FAM178B: variants seen among roughly 807,000 people sequenced by gnomAD.
The protein encoded by FAM178B is protein FAM178B.
Under a neutral mutation model 91.7 loss-of-function variants are expected in FAM178B, and 82 were observed. The observed-to-expected ratio is 0.89, with a 90% CI of 0.75 to 1.07. The LOEUF is 1.07. FAM178B is among the 50% of genes least tolerant of loss of function. The pLI is 0.00. For synonymous variants in FAM178B, 368 were observed against 359.4 expected (o/e 1.02, Z -0.27); for missense variants, 769 against 846.7 (o/e 0.91, Z 1.14).
intron 1 of FAM178B, among the ~76,000 whole-genome samples, chr2:96,975,094 C>CA (rs34807786): frequency 0.72 from 40,739 of 56,296 alleles, 15,781 homozygotes; most frequent in Non-Finnish European, 0.84. Flanking sequence ...GACTCTGTCT[C>CA]AAAAAAAAAA....
intron 7 of FAM178B, chr2:96,950,003 C>A: frequency 1.0e-6 from 1 of 985,886 alleles, no homozygotes; most frequent in Non-Finnish European, 1.2e-6. Context: ...CTGGGTCCTG[C>A]ACTCCTCTCC....
rs1208753471 is a variant in FAM178B, at chr2:96,986,344, G to T, written c.-31C>A. 3.3e-6 allele frequency: 5 copies of T among 1,528,716 alleles called. No individual in the cohort carries two copies. Among genetic ancestry groups the T allele is most frequent in the Non-Finnish European group, 4.4e-6 (5 of 1,144,840 alleles). The allele number at this position is 1,528,716 out of a possible 1,614,324, so 94.7% of individuals were successfully genotyped here. On this transcript the variant is annotated 5_prime_UTR_variant, in exon 1 of 17. Coordinates refer to ENST00000490605, the MANE Select transcript of FAM178B (RefSeq NM_001122646.3). The stretch of plus-strand genomic sequence containing the variant: ...GGGAAGGGCAGGGCTCCGGGGTGAG[G>T]GAGGGTGGCGGGAATTCGCACGGCC...
At chr2:96,935,424 C>T (rs2081608516) in intron 8 of FAM178B, among the ~76,000 whole-genome samples, 1 of 152,070 alleles carries the variant, frequency 6.6e-6, no homozygotes, top group African/African-American at 2.4e-5. Flanking sequence ...CAGGCAATCG[C>T]CTTCTCACTT....
At chr2:96,876,837 C>T (rs1305264117) in intron 16 of FAM178B, among the ~76,000 whole-genome samples, 1 of 152,028 alleles carries the variant, frequency 6.6e-6, no homozygotes, top group Non-Finnish European at 1.5e-5. Flanking sequence ...AGGGAGGAGA[C>T]CCCGAGCCAG....
In FAM178B at chr2:96,876,210, C is replaced by T. The variant is rs954626774; in HGVS notation, c.*66G>A. 4 of 1,534,074 alleles carry T rather than the reference C, an allele frequency of 2.6e-6. No individual in the cohort carries two copies. The African/African-American group carries it at 5.4e-5, about 21-fold the overall frequency. On this transcript the variant is annotated 3_prime_UTR_variant, in exon 17 of 17. Transcript: ENST00000490605. Reference sequence around the variant, plus strand: ...TCTGGCCTTGATGCTTCGCTTCCTCCAGTTCCCTGAGCCTGTTCACTTCCT... The same window carrying T: ...TCTGGCCTTGATGCTTCGCTTCCTCTAGTTCCCTGAGCCTGTTCACTTCCT...
chr2:96,971,931 T>C lies in FAM178B; in HGVS notation c.534A>G (p.Ser178=), dbSNP rs1454409030. 24 of 1,529,516 alleles carry C rather than the reference T, an allele frequency of 1.6e-5. No individual in the cohort carries two copies. Among genetic ancestry groups the C allele is most frequent in the Non-Finnish European group, 2.1e-5 (24 of 1,137,132 alleles). The allele number at this position is 1,529,516 out of a possible 1,614,324, so 94.7% of individuals were successfully genotyped here. A position where few individuals can be genotyped will look rare whatever the true frequency, so the allele number is the denominator to read the frequency against. The change falls in exon 3 of 17, where the codon TCA becomes TCG. Residue 178 remains serine (S), a synonymous_variant. Coordinates refer to ENST00000490605, the MANE Select transcript of FAM178B (RefSeq NM_001122646.3). ...ALPEKLFWNT[S]GLSQQAAAPE... ...GGGCCGCAGCCTGCTGGCTCAGGCCTGACGTGTTCCAGAACAGCTTCTCTG... is the reference window on the plus strand; with the variant it reads ...GGGCCGCAGCCTGCTGGCTCAGGCCCGACGTGTTCCAGAACAGCTTCTCTG...
chr2:96,954,173 C>A (rs2081967163), intron 6 of FAM178B, among the ~76,000 whole-genome samples: 1 of 152,200 alleles, frequency 6.6e-6, no homozygotes, highest in African/African-American at 2.4e-5. Context: ...GCAGCAGATA[C>A]CATGCAGGCC....
chr2:96,980,544 A>G (rs78392121), intron 1 of FAM178B, among the ~76,000 whole-genome samples: 3,146 of 152,270 alleles, frequency 0.021, 98 homozygotes, highest in African/African-American at 0.066. Flanking sequence ...CTACAACTAC[A>G]GATTCATGCC....
At chr2:96,966,750 G>A (rs2082148802) in intron 5 of FAM178B, among the ~76,000 whole-genome samples, 3 of 152,226 alleles carry the variant, frequency 2.0e-5, no homozygotes, top group East Asian at 3.9e-4. Flanking sequence ...GCATGAGGGT[G>A]GAGCCTTCAT....
intron 5 of FAM178B, 67 bp from the exon 6 acceptor site, chr2:96,960,507 AG>A: frequency 1.4e-6 from 2 of 1,471,882 alleles, no homozygotes; most frequent in Non-Finnish European, 1.8e-6. Context: ...CATGGCCATT[AG>A]CCCAGGGAAG....
intron 8 of FAM178B, among the ~76,000 whole-genome samples, chr2:96,944,785 A>G (rs1422418286): frequency 6.6e-6 from 1 of 152,218 alleles, no homozygotes; most frequent in Non-Finnish European, 1.5e-5. Flanking sequence ...GTTTACCTGC[A>G]CCAAACCTGA....
chr2:96,901,350 T>C (rs1011273219), intron 13 of FAM178B, among the ~76,000 whole-genome samples: 1 of 151,594 alleles, frequency 6.6e-6, no homozygotes, highest in Non-Finnish European at 1.5e-5. Context: ...TTTTTTGTTT[T>C]TTTAGTAGAG....
chr2:96,951,604 C>T (rs973677175), intron 6 of FAM178B, 120 bp from the exon 7 acceptor site: 3 of 736,720 alleles, frequency 4.1e-6, no homozygotes, highest in African/African-American at 3.5e-5. Flanking sequence ...ATCTGTAACG[C>T]TAGAGACAAA....
Position 96,923,547 on chromosome 2 carries a change from C to T in FAM178B, c.1230G>A (p.Glu410=), listed in dbSNP as rs1326560122. The T allele has an allele frequency of 1.3e-6, 2 of 1,551,584 alleles. No homozygotes were observed. The highest frequency in any genetic ancestry group is 1.2e-5 in the South Asian group (1 of 84,064). Residue 410 remains glutamate, a synonymous_variant, in exon 10 of 17, where the codon GAG becomes GAA. Coordinates refer to ENST00000490605, the MANE Select transcript of FAM178B (RefSeq NM_001122646.3). ...LPGEAGLNEN[E]EQDAPQEIAL... ...CAATCTCTTGGGGAGCGTCCTGCTCCTCATTCTCATTCAGGCCAGCCTCGC... is the reference window on the plus strand; with the variant it reads ...CAATCTCTTGGGGAGCGTCCTGCTCTTCATTCTCATTCAGGCCAGCCTCGC...
intron 6 of FAM178B, among the ~76,000 whole-genome samples, chr2:96,958,314 C>G (rs1039496633): frequency 6.6e-6 from 1 of 152,158 alleles, no homozygotes; most frequent in African/African-American, 2.4e-5. Flanking sequence ...TCATGATCCG[C>G]CCGCCTCGGC....
At chr2:96,886,754 G>A (rs773792510) in intron 14 of FAM178B, among the ~76,000 whole-genome samples, 1 of 152,224 alleles carries the variant, frequency 6.6e-6, no homozygotes, top group Non-Finnish European at 1.5e-5. Context: ...ACTGAGGATG[G>A]CGTGTAAGGG....
chr2:96,922,312 C>T (rs1018988767), intron 10 of FAM178B, among the ~76,000 whole-genome samples: 3 of 152,216 alleles, frequency 2.0e-5, no homozygotes, highest in African/African-American at 7.2e-5. Flanking sequence ...ACACCAGCAG[C>T]CCTTGGGGCT....
intron 14 of FAM178B, among the ~76,000 whole-genome samples, chr2:96,889,717 T>A (rs1195611744): frequency 1.5e-5 from 2 of 131,556 alleles, no homozygotes; most frequent in African/African-American, 2.8e-5. Context: ...AATAAATAAA[T>A]AAATACAAAA....
chr2:96,916,788 C>T (rs2081248457), intron 12 of FAM178B, among the ~76,000 whole-genome samples: 1 of 152,232 alleles, frequency 6.6e-6, no homozygotes, highest in Non-Finnish European at 1.5e-5. Context: ...GGGTGTACTG[C>T]ATGAGTGTCA....
Sources: allele counts gnomAD v4.1 joint callset (sites outside exome capture counted in the v4.1 genomes callset), GRCh38; gene constraint gnomAD v4.1.1; transcripts MANE v1.5; gene names NCBI Gene and HGNC (gene_info 2026-07-23, HGNC 2026-07-21).